Variants in ERBB4 observed in about 807,000 individuals in gnomAD.
ERBB4 encodes erb-b2 receptor tyrosine kinase 4.
Under a neutral mutation model 158.0 loss-of-function variants are expected in ERBB4, and 42 were observed. The ratio of observed to expected loss-of-function variants is 0.27; its 90% confidence interval spans 0.21 to 0.34. ERBB4 has a LOEUF of 0.34. Ranked by LOEUF, ERBB4 falls within the 10% of genes least tolerant of loss-of-function variation. The pLI is 1.00. For synonymous variants in ERBB4, 583 were observed against 558.7 expected (o/e 1.04, Z -0.61); for missense variants, 1,333 against 1,624.1 (o/e 0.82, Z 3.08).
intron 2 of ERBB4, among the ~76,000 whole-genome samples, chr2:212,077,400 A>C (rs2125458508): frequency 6.6e-6 from 1 of 152,122 alleles, no homozygotes; most frequent in Middle Eastern, 3.4e-3. Context: ...AGAAATGATA[A>C]ATAAATTATG....
intron 1 of ERBB4, among the ~76,000 whole-genome samples, chr2:212,431,170 T>C (rs2092018795): frequency 6.6e-6 from 1 of 151,872 alleles, no homozygotes; most frequent in Non-Finnish European, 1.5e-5. Flanking sequence ...TCTGTTTGGA[T>C]GGCAGGTGGC....
chr2:212,141,957 A>G, intron 1 of ERBB4, among the ~76,000 whole-genome samples: 1 of 152,188 alleles, frequency 6.6e-6, no homozygotes, highest in South Asian at 2.1e-4. Flanking sequence ...TAAAATTAAA[A>G]GTCCTTATCT....
intron 1 of ERBB4, among the ~76,000 whole-genome samples, chr2:212,312,119 C>G (rs1312764694): frequency 6.6e-6 from 1 of 150,982 alleles, no homozygotes; most frequent in African/African-American, 2.4e-5. Context: ...AAGTCTCTCT[C>G]ATAATCCTAT....
At position 211,815,069 on chromosome 2, in the gene ERBB4, T is replaced by C. The variant is rs28478418; in HGVS notation, c.422-26910A>G. On this transcript the variant is annotated intron_variant, in intron 3 of 27. Coordinates refer to ENST00000342788, the MANE Select transcript of ERBB4 (RefSeq NM_005235.3). ...CAAAAGGCTTCTCGCATGGGGACCC[T>C]ATTCATTAAAAAAGTGTAAGGACTT... Among the ~76,000 whole-genome samples, 1,379 of 152,256 alleles carry C rather than the reference T, an allele frequency of 9.1e-3. 14 individuals carry two copies. Among genetic ancestry groups the C allele is most frequent in the African/African-American group, 0.032 (1,333 of 41,544 alleles).
At chr2:211,588,482 T>C (rs767329681) in intron 19 of ERBB4, among the ~76,000 whole-genome samples, 1 of 152,216 alleles carries the variant, frequency 6.6e-6, no homozygotes, top group Non-Finnish European at 1.5e-5. Context: ...AAATTTTCTT[T>C]CTTTTGGCAG....
intron 19 of ERBB4, among the ~76,000 whole-genome samples, chr2:211,607,345 T>G (rs1364353990): frequency 6.6e-6 from 1 of 152,186 alleles, no homozygotes; most frequent in Non-Finnish European, 1.5e-5. Context: ...TCCGTCAAAC[T>G]CCTCAGTTCA....
intron 1 of ERBB4, among the ~76,000 whole-genome samples, chr2:212,480,841 T>G (rs1227842037): frequency 1.3e-5 from 2 of 152,288 alleles, no homozygotes; most frequent in African/African-American, 2.4e-5. Context: ...CTTATGATTA[T>G]GCACTTAGCA....
chr2:212,069,261 C>G (rs1036944101), intron 2 of ERBB4, among the ~76,000 whole-genome samples: 5 of 152,042 alleles, frequency 3.3e-5, no homozygotes, highest in Admixed American at 1.3e-4. Flanking sequence ...CCCAGGAACA[C>G]AAGGTTGGTT....
At chr2:212,167,102 T>G (rs2081368448) in intron 1 of ERBB4, among the ~76,000 whole-genome samples, 1 of 152,086 alleles carries the variant, frequency 6.6e-6, no homozygotes, top group Admixed American at 6.6e-5. Flanking sequence ...GGGATCTAAT[T>G]AAACTCAAGA....
intron 12 of ERBB4, among the ~76,000 whole-genome samples, chr2:211,686,474 G>A (rs183043292): frequency 4.9e-4 from 74 of 151,914 alleles, no homozygotes; most frequent in African/African-American, 1.6e-3. Flanking sequence ...ATAATTCTTT[G>A]TATATATTGC....
At chr2:212,081,272 G>C (rs1295196703) in intron 2 of ERBB4, among the ~76,000 whole-genome samples, 1 of 152,160 alleles carries the variant, frequency 6.6e-6, no homozygotes, top group Non-Finnish European at 1.5e-5. Flanking sequence ...GATTGTAAGA[G>C]ATGAAATGAA....
chr2:212,374,081 C>A (rs2090233540), intron 1 of ERBB4, among the ~76,000 whole-genome samples: 1 of 108,994 alleles, frequency 9.2e-6, no homozygotes, highest in Admixed American at 9.1e-5. Context: ...TATATATATC[C>A]ATATATATCC....
intron 1 of ERBB4, among the ~76,000 whole-genome samples, chr2:212,160,860 G>A (rs957374702): frequency 5.3e-5 from 8 of 152,110 alleles, no homozygotes; most frequent in African/African-American, 1.9e-4. Context: ...CTCACTGAGG[G>A]TAGGTTGGGG....
At chr2:212,111,595 G>GA (rs757405975) in intron 2 of ERBB4, among the ~76,000 whole-genome samples, 5 of 151,804 alleles carry the variant, frequency 3.3e-5, no homozygotes, top group Admixed American at 1.3e-4. Flanking sequence ...TTCCCAGGTG[G>GA]AAATGCACCT....
At chr2:211,509,344 A>T (rs1478693625) in intron 20 of ERBB4, among the ~76,000 whole-genome samples, 2 of 152,142 alleles carry the variant, frequency 1.3e-5, no homozygotes, top group Non-Finnish European at 2.9e-5. Context: ...CAGAACTTAA[A>T]GCAAAATAAA....
intron 1 of ERBB4, among the ~76,000 whole-genome samples, chr2:212,508,891 T>C (rs190094047): frequency 3.3e-5 from 5 of 152,152 alleles, no homozygotes; most frequent in Non-Finnish European, 1.5e-5. Flanking sequence ...GTCATTGTCA[T>C]CTGCCAATTT....
chr2:212,191,723 AAC>A (rs2082229108), intron 1 of ERBB4, among the ~76,000 whole-genome samples: 1 of 146,528 alleles, frequency 6.8e-6, no homozygotes, highest in Non-Finnish European at 1.5e-5. Flanking sequence ...TGTTACATAT[AAC>A]ACGTGTTATA....
chr2:211,753,328 A>G (rs2075191884), intron 4 of ERBB4, among the ~76,000 whole-genome samples: 1 of 152,086 alleles, frequency 6.6e-6, no homozygotes, highest in African/African-American at 2.4e-5. Context: ...ACATCCTTCC[A>G]ACCACGTATC....
intron 1 of ERBB4, among the ~76,000 whole-genome samples, chr2:212,172,387 C>T (rs539557210): frequency 2.4e-4 from 37 of 152,186 alleles, no homozygotes; most frequent in African/African-American, 8.2e-4. Flanking sequence ...GCAGAAATAC[C>T]GTTTGACTCA....
Sources: allele counts gnomAD v4.1 joint callset (sites outside exome capture counted in the v4.1 genomes callset), GRCh38; gene constraint gnomAD v4.1.1; transcripts MANE v1.5; gene names NCBI Gene and HGNC (gene_info 2026-07-23, HGNC 2026-07-21).